The following CACNG2 variants were observed in gnomAD, a reference collection of about 807,000 sequenced individuals.
CACNG2 encodes the protein calcium voltage-gated channel auxiliary subunit gamma 2.
A neutral mutation model predicts 25.9 loss-of-function variants in CACNG2; 3 were observed. The ratio of observed to expected loss-of-function variants is 0.12; its 90% CI spans 0.05 to 0.30. The LOEUF is 0.30. CACNG2 is among the 10% of genes least tolerant of loss of function. CACNG2 has a pLI of 1.00. For synonymous variants in CACNG2, 167 were observed against 173.3 expected (o/e 0.96, Z 0.29); for missense variants, 341 against 432.5 (o/e 0.79, Z 1.88).
chr22:36,697,581 G>A (rs1469756570), intron 1 of CACNG2, among the ~76,000 whole-genome samples: 3 of 152,216 alleles, frequency 2.0e-5, no homozygotes, highest in Non-Finnish European at 1.5e-5. Context: ...CTGGAAAGAG[G>A]AAGCAAGGGC....
intron 1 of CACNG2, among the ~76,000 whole-genome samples, chr22:36,590,730 C>T (rs1935578653): frequency 1.3e-5 from 2 of 152,164 alleles, no homozygotes; most frequent in South Asian, 4.1e-4. Context: ...ACCTCCAGCT[C>T]GGAAACACTC....
intron 1 of CACNG2, among the ~76,000 whole-genome samples, chr22:36,672,382 T>G (rs1936964078): frequency 6.6e-6 from 1 of 152,140 alleles, no homozygotes; most frequent in Admixed American, 6.5e-5. Flanking sequence ...GGTCTTAACC[T>G]CTTGAACTCA....
intron 1 of CACNG2, among the ~76,000 whole-genome samples, chr22:36,602,546 C>T (rs1194917988): frequency 2.6e-5 from 4 of 151,828 alleles, no homozygotes; most frequent in African/African-American, 7.3e-5. Flanking sequence ...CCACCACGCC[C>T]AGCTAATTTT....
At chr22:36,699,797 A>G (rs1382415886) in intron 1 of CACNG2, among the ~76,000 whole-genome samples, 1 of 152,230 alleles carries the variant, frequency 6.6e-6, no homozygotes, top group Non-Finnish European at 1.5e-5. Context: ...ACAGCCCCCA[A>G]GGACTGTCTA....
At chr22:36,623,745 A>G (rs573250899) in intron 1 of CACNG2, among the ~76,000 whole-genome samples, 7 of 151,958 alleles carry the variant, frequency 4.6e-5, no homozygotes, top group African/African-American at 1.4e-4. Flanking sequence ...GGTAATAAAA[A>G]TGATAATGAT....
chr22:36,579,907 G>A (rs1935384611), intron 2 of CACNG2, among the ~76,000 whole-genome samples: 1 of 152,148 alleles, frequency 6.6e-6, no homozygotes, highest in Non-Finnish European at 1.5e-5. Context: ...GCCCTCCCCG[G>A]GCGCCCATCT....
intron 1 of CACNG2, among the ~76,000 whole-genome samples, chr22:36,658,071 C>A (rs1214433237): frequency 1.3e-5 from 2 of 152,118 alleles, no homozygotes; most frequent in African/African-American, 4.8e-5. Flanking sequence ...TGCATCATTA[C>A]CAAGTATTAC....
intron 1 of CACNG2, among the ~76,000 whole-genome samples, chr22:36,641,352 C>A (rs940454639): frequency 2.0e-5 from 3 of 152,024 alleles, no homozygotes; most frequent in African/African-American, 7.3e-5. Context: ...ATGTTTCTTG[C>A]ACAAATGAAC....
intron 1 of CACNG2, among the ~76,000 whole-genome samples, chr22:36,656,095 AC>A (rs1239228784): frequency 1.3e-5 from 2 of 152,154 alleles, no homozygotes; most frequent in Admixed American, 6.5e-5. Flanking sequence ...GGCATGAGTC[AC>A]CGCACCTGGC....
intron 1 of CACNG2, among the ~76,000 whole-genome samples, chr22:36,658,102 A>C (rs1415178852): frequency 6.6e-6 from 1 of 152,204 alleles, no homozygotes; most frequent in East Asian, 1.9e-4. Context: ...GGTTTGCATC[A>C]GGGCTGCTGA....
At chr22:36,651,508 C>T (rs888875865) in intron 1 of CACNG2, among the ~76,000 whole-genome samples, 3 of 151,956 alleles carry the variant, frequency 2.0e-5, no homozygotes, top group African/African-American at 7.3e-5. Flanking sequence ...GGATTACAGG[C>T]GTGAGCCACT....
At chr22:36,608,268 GC>G (rs1453046275) in intron 1 of CACNG2, among the ~76,000 whole-genome samples, 1 of 152,114 alleles carries the variant, frequency 6.6e-6, no homozygotes, top group Non-Finnish European at 1.5e-5. Context: ...GATCCTCACA[GC>G]CCGAGCTGCC....
intron 1 of CACNG2, among the ~76,000 whole-genome samples, chr22:36,587,758 G>A (rs573159286): frequency 1.6e-4 from 25 of 152,290 alleles, no homozygotes; most frequent in African/African-American, 5.5e-4. Context: ...ATCTAAAGCC[G>A]ACGACTTCAA....
chr22:36,577,391 C>T (rs529083256), intron 2 of CACNG2, among the ~76,000 whole-genome samples: 1 of 152,200 alleles, frequency 6.6e-6, no homozygotes, highest in South Asian at 2.1e-4. Context: ...GTGGTTCACA[C>T]CTGTAATCCC....
intron 1 of CACNG2, among the ~76,000 whole-genome samples, chr22:36,682,724 T>A (rs1221996299): frequency 1.3e-5 from 2 of 152,126 alleles, no homozygotes; most frequent in Non-Finnish European, 2.9e-5. Context: ...GAATAGAAAG[T>A]CAGTAGAGAG....
intron 1 of CACNG2, among the ~76,000 whole-genome samples, chr22:36,629,530 G>A (rs1001747511): frequency 3.3e-5 from 5 of 151,978 alleles, no homozygotes; most frequent in African/African-American, 1.2e-4. Context: ...GTGTTCGTGT[G>A]TATGTGTGTG....
chr22:36,576,587 T>G (rs1285125354), intron 2 of CACNG2, among the ~76,000 whole-genome samples: 1 of 150,762 alleles, frequency 6.6e-6, no homozygotes, highest in Non-Finnish European at 1.5e-5. Context: ...TGTGTGTGTG[T>G]GTGTATGTGT....
At chr22:36,667,447 C>T (rs1234266111) in intron 1 of CACNG2, among the ~76,000 whole-genome samples, 1 of 152,182 alleles carries the variant, frequency 6.6e-6, no homozygotes, top group Non-Finnish European at 1.5e-5. Context: ...CCATGCCTTG[C>T]ACTTTCTGAC....
chr22:36,564,202 TG>T lies in CACNG2; in HGVS notation c.*148del. 1.7e-6 allele frequency: 1 copy of T among 603,014 alleles called. No individual in the cohort carries two copies. The highest frequency in any genetic ancestry group is 2.8e-6 in the Non-Finnish European group (1 of 361,630). 37.4% of individuals were successfully genotyped at this position (603,014 alleles called of 1,614,324 possible). A position where few individuals can be genotyped will look rare whatever the true frequency, so the allele number is the denominator to read the frequency against. On this transcript the variant is annotated 3_prime_UTR_variant, in exon 4 of 4. Transcript: ENST00000300105. The surrounding 1 kb of genome is among the most constrained non-coding windows in gnomAD (Gnocchi z 6.7). ...TTTTTTCTCTTTTTTTGTGTGTGTGTGTTTTTTTGTTTTTTGTTTTTTTGTT... is the reference window on the plus strand; with the variant it reads ...TTTTTTCTCTTTTTTTGTGTGTGTGTTTTTTTTGTTTTTTGTTTTTTTGTT...
Sources: allele counts gnomAD v4.1 joint callset (sites outside exome capture counted in the v4.1 genomes callset), GRCh38; gene constraint gnomAD v4.1.1; non-coding constraint Gnocchi (gnomAD v3.1); transcripts MANE v1.5; gene names NCBI Gene and HGNC (gene_info 2026-07-23, HGNC 2026-07-21).